GBA1: variants seen among roughly 807,000 people sequenced by gnomAD.
GBA1 encodes the protein lysosomal acid glucosylceramidase.
chr1:155,235,764 G>A, the GBA1 span: 4 of 1,614,240 alleles, frequency 2.5e-6, no homozygotes, highest in Admixed American at 1.7e-5. Context: ...TGTCGACAAA[G>A]TTACGCACCC....
At chr1:155,240,038 G>GAGCTGT in the GBA1 span, 13 of 1,614,008 alleles carry the variant, frequency 8.1e-6, no homozygotes, top group Non-Finnish European at 1.1e-5. Flanking sequence ...ACACACCACC[G>GAGCTGT]AGCTGTAGCC....
chr1:155,243,225 A>G, the GBA1 span, among the ~76,000 whole-genome samples: 14 of 152,312 alleles, frequency 9.2e-5, no homozygotes, highest in African/African-American at 2.9e-4. Flanking sequence ...TTGCTTCACT[A>G]TGTCAGTAGC....
chr1:155,239,049 T>A, the GBA1 span, among the ~76,000 whole-genome samples: 1 of 151,796 alleles, frequency 6.6e-6, no homozygotes, highest in Non-Finnish European at 1.5e-5. Flanking sequence ...AAACCCTGTC[T>A]CTACTAAAAA....
chr1:155,241,425 A>G, the GBA1 span: 1 of 477,240 alleles, frequency 2.1e-6, no homozygotes, highest in Non-Finnish European at 3.8e-6. Context: ...AAGAGCCTAG[A>G]ACACAGATTT....
the GBA1 span, chr1:155,238,102 G>C: frequency 7.5e-6 from 12 of 1,610,388 alleles, no homozygotes; most frequent in African/African-American, 1.3e-4. Flanking sequence ...TGGGAGGCCA[G>C]TCCTGATCCC....
chr1:155,242,424 T>C, the GBA1 span, among the ~76,000 whole-genome samples: 2 of 151,986 alleles, frequency 1.3e-5, no homozygotes, highest in African/African-American at 4.8e-5. Context: ...GGTTTCACTA[T>C]GTTGGCCAGG....
the GBA1 span, chr1:155,244,602 G>A: frequency 6.6e-6 from 1 of 152,182 alleles, no homozygotes; most frequent in Admixed American, 6.5e-5. Context: ...CTGGGGCCCC[G>A]CGCAGTAAGA....
the GBA1 span, chr1:155,236,192 CT>C: frequency 6.8e-7 from 1 of 1,470,502 alleles, no homozygotes; most frequent in Non-Finnish European, 9.5e-7. Context: ...TTTGGTGAAA[CT>C]AGTAAGAGGT....
the GBA1 span, chr1:155,238,029 A>G: frequency 8.1e-7 from 1 of 1,231,672 alleles, no homozygotes; most frequent in African/African-American, 1.5e-5. Flanking sequence ...AGGTGAGCTG[A>G]GGACAGGCAG....
the GBA1 span, chr1:155,238,632 A>G: frequency 6.2e-7 from 1 of 1,613,494 alleles, no homozygotes; most frequent in Non-Finnish European, 8.5e-7. Flanking sequence ...GGGTACCCGG[A>G]TGATGTTATA....
the GBA1 span, chr1:155,238,621 T>C: frequency 1.9e-6 from 3 of 1,613,548 alleles, no homozygotes; most frequent in African/African-American, 1.3e-5. Context: ...CAGCTGGCCA[T>C]GGGTACCCGG....
chr1:155,240,944 A>G, the GBA1 span: 83 of 864,614 alleles, frequency 9.6e-5, no homozygotes, highest in African/African-American at 1.2e-3. Context: ...ACCCATTTCA[A>G]CTTCGACCCC....
the GBA1 span, among the ~76,000 whole-genome samples, chr1:155,236,969 A>T: frequency 6.6e-6 from 1 of 151,434 alleles, no homozygotes; most frequent in Non-Finnish European, 1.5e-5. Flanking sequence ...GGTTCAACTG[A>T]TTCTCCCTTC....
chr1:155,239,034 T>C, the GBA1 span: 1 of 327,416 alleles, frequency 3.1e-6, no homozygotes, highest in African/African-American at 2.2e-5. Flanking sequence ...CTGGCCAACA[T>C]AGTGAAACCC....
At chr1:155,238,518 T>C in the GBA1 span, 1 of 1,612,268 alleles carries the variant, frequency 6.2e-7, no homozygotes, top group East Asian at 2.2e-5. Flanking sequence ...AATGCCTACC[T>C]TGAGCTTGGT....
chr1:155,237,679 G>A, the GBA1 span: 2 of 1,567,078 alleles, frequency 1.3e-6, no homozygotes, highest in East Asian at 2.4e-5. Context: ...GGGAAGCCGA[G>A]GCAGGTGGAT....
chr1:155,235,821 G>A, the GBA1 span: 1 of 1,614,238 alleles, frequency 6.2e-7, no homozygotes, highest in South Asian at 1.1e-5. Flanking sequence ...AGTCGGTCCA[G>A]CCGACCACAT....
chr1:155,235,571 G>A, the GBA1 span: 2 of 1,284,648 alleles, frequency 1.6e-6, no homozygotes, highest in Non-Finnish European at 1.1e-6. Context: ...CTCTTCCGAG[G>A]TTCCACCCTG....
At chr1:155,239,685 C>T in the GBA1 span, 2 of 1,613,994 alleles carry the variant, frequency 1.2e-6, no homozygotes, top group African/African-American at 1.3e-5. Flanking sequence ...ATGTTGAGAG[C>T]AGCAGCATCT....
Sources: gnomAD v4.1 joint callset for allele counts (sites outside exome capture counted in the v4.1 genomes callset) on GRCh38, gnomAD v4.1.1 for gene constraint, MANE v1.5 for transcripts, NCBI Gene and HGNC (gene_info 2026-07-23, HGNC 2026-07-21) for gene names.